EYS: variants seen among roughly 807,000 people sequenced by gnomAD.
EYS encodes EGF-like photoreceptor maintenance factor, also known as protein eyes shut homolog.
A neutral mutation model predicts 282.1 loss-of-function variants in EYS; 250 were observed. The observed-to-expected ratio is 0.89, with a 90% CI of 0.80 to 0.98. EYS has a LOEUF of 0.98. EYS is among the 50% of genes least tolerant of loss of function. The pLI is 0.00. For synonymous variants in EYS, 1,355 were observed against 1,282.9 expected (o/e 1.06, Z -1.20); for missense variants, 4,016 against 3,709.0 (o/e 1.08, Z -2.15).
chr6:64,159,846 T>C (rs917616100), intron 31 of EYS, among the ~76,000 whole-genome samples: 4 of 152,180 alleles, frequency 2.6e-5, no homozygotes, highest in African/African-American at 9.7e-5. Flanking sequence ...TAACACCTGG[T>C]TAAAGGTTTG....
chr6:65,297,585 C>T (rs1440485661), intron 11 of EYS, among the ~76,000 whole-genome samples: 3 of 151,948 alleles, frequency 2.0e-5, no homozygotes, highest in African/African-American at 7.2e-5. Flanking sequence ...TCTTTTCAAA[C>T]ATGTATTAAA....
At chr6:65,576,628 G>A (rs1764678094) in intron 2 of EYS, among the ~76,000 whole-genome samples, 1 of 151,778 alleles carries the variant, frequency 6.6e-6, no homozygotes, top group Non-Finnish European at 1.5e-5. Context: ...TAGAAAACAA[G>A]AAGTGAAATC....
intron 26 of EYS, among the ~76,000 whole-genome samples, chr6:64,575,256 T>C (rs1278280313): frequency 6.6e-6 from 1 of 152,114 alleles, no homozygotes; most frequent in Non-Finnish European, 1.5e-5. Context: ...TTAAAATCCT[T>C]TTTAGAAAGT....
chr6:63,857,511 A>G (rs1772425445), intron 36 of EYS: 1 of 246,012 alleles, frequency 4.1e-6, no homozygotes, highest in Admixed American at 4.1e-5. Flanking sequence ...AGCCATAAGT[A>G]CTATTTCTCT....
intron 31 of EYS, among the ~76,000 whole-genome samples, chr6:64,213,558 A>C (rs145257891): frequency 1.1e-3 from 166 of 152,306 alleles, no homozygotes; most frequent in African/African-American, 3.9e-3. Context: ...AATGTGATGA[A>C]AACCTCTATA....
At chr6:65,542,792 G>A (rs965161346) in intron 2 of EYS, among the ~76,000 whole-genome samples, 7 of 151,802 alleles carry the variant, frequency 4.6e-5, no homozygotes, top group East Asian at 3.9e-4. Context: ...ACTATTATGA[G>A]CAAATCTACC....
At chr6:65,321,858 G>C (rs1216188280) in intron 11 of EYS, among the ~76,000 whole-genome samples, 1 of 152,226 alleles carries the variant, frequency 6.6e-6, no homozygotes, top group Admixed American at 6.5e-5. Flanking sequence ...GTTTAGATTA[G>C]AGATGGAAAG....
At chr6:64,761,100 A>T (rs1179185903) in intron 22 of EYS, among the ~76,000 whole-genome samples, 2 of 152,224 alleles carry the variant, frequency 1.3e-5, no homozygotes, top group Non-Finnish European at 2.9e-5. Flanking sequence ...GAATTCAGTT[A>T]GAACTATCTG....
chr6:64,888,817 C>G (rs1391760174), intron 18 of EYS, among the ~76,000 whole-genome samples: 1 of 152,034 alleles, frequency 6.6e-6, no homozygotes, highest in Admixed American at 6.6e-5. Context: ...TTTGTGTTCT[C>G]ACTGAATTAA....
At chr6:65,184,216 T>C (rs1581993311) in intron 12 of EYS, among the ~76,000 whole-genome samples, 1 of 151,942 alleles carries the variant, frequency 6.6e-6, no homozygotes, top group Admixed American at 6.6e-5. Flanking sequence ...CAGAAATGTA[T>C]AGGCTCTTAG....
intron 14 of EYS, among the ~76,000 whole-genome samples, chr6:64,974,350 G>T (rs1239378253): frequency 1.3e-5 from 2 of 151,712 alleles, no homozygotes; most frequent in Non-Finnish European, 1.5e-5. Context: ...TACTTCTTGT[G>T]ATTCAAACGG....
At chr6:64,184,495 A>C (rs922912063) in intron 31 of EYS, among the ~76,000 whole-genome samples, 1 of 152,176 alleles carries the variant, frequency 6.6e-6, no homozygotes, top group Non-Finnish European at 1.5e-5. Flanking sequence ...GAGCTCCTCC[A>C]TAAAGCCACT....
chr6:64,084,771 C>T (rs1189449422), intron 31 of EYS, among the ~76,000 whole-genome samples: 2 of 152,158 alleles, frequency 1.3e-5, no homozygotes, highest in African/African-American at 2.4e-5. Flanking sequence ...AAAGTAAATG[C>T]TCCAAGGACC....
chr6:63,922,211 A>T (rs1437561888), intron 35 of EYS, among the ~76,000 whole-genome samples: 1 of 152,188 alleles, frequency 6.6e-6, no homozygotes. Flanking sequence ...TGTTATGGTA[A>T]CTCAAGCTGG....
At chr6:64,107,299 A>G (rs191282803) in intron 31 of EYS, among the ~76,000 whole-genome samples, 2 of 126,950 alleles carry the variant, frequency 1.6e-5, no homozygotes, top group Non-Finnish European at 3.2e-5. Flanking sequence ...ATATATATAT[A>G]TATATATATA....
At chr6:64,945,699 A>G in intron 15 of EYS, 94 bp downstream of exon 15, 6 of 1,113,638 alleles carry the variant, frequency 5.4e-6, no homozygotes, top group Non-Finnish European at 7.5e-6. Flanking sequence ...TTTTAATTAA[A>G]TGTATCTAAA....
chr6:65,071,765 G>A (rs1583456369), intron 12 of EYS, among the ~76,000 whole-genome samples: 1 of 151,870 alleles, frequency 6.6e-6, no homozygotes. Flanking sequence ...GAGAACAGCA[G>A]CATGATTGAA....
chr6:65,157,029 T>C (rs1309776077), intron 12 of EYS, among the ~76,000 whole-genome samples: 2 of 151,154 alleles, frequency 1.3e-5, no homozygotes, highest in Non-Finnish European at 3.0e-5. Context: ...CCTACATCTG[T>C]TATTTGACTC....
At chr6:64,436,588 G>T (rs756109477) in intron 27 of EYS, among the ~76,000 whole-genome samples, 1 of 151,806 alleles carries the variant, frequency 6.6e-6, no homozygotes, top group Non-Finnish European at 1.5e-5. Context: ...AGTATTTTAG[G>T]AATTTTCCTT....
Sources: allele counts gnomAD v4.1 joint callset (sites outside exome capture counted in the v4.1 genomes callset), GRCh38; gene constraint gnomAD v4.1.1; transcripts MANE v1.5; gene names NCBI Gene and HGNC (gene_info 2026-07-23, HGNC 2026-07-21).